The following SAMD3 variants were observed in gnomAD, a reference collection of about 807,000 sequenced individuals.
SAMD3 encodes sterile alpha motif domain containing 3, also known as sterile alpha motif domain-containing protein 3.
Under a neutral mutation model 58.5 loss-of-function variants are expected in SAMD3, and 63 were observed. The ratio of observed to expected loss-of-function variants is 1.08; its 90% CI spans 0.88 to 1.33. The LOEUF is 1.33. Among genes scored for constraint, SAMD3 ranks in the 40% most tolerant of loss-of-function variants. SAMD3 has a pLI of 0.00. For missense variants in SAMD3, 604 were observed against 608.4 expected (o/e 0.99, Z 0.08); for synonymous variants, 220 against 210.3 (o/e 1.05, Z -0.40).
intron 1 of SAMD3, among the ~76,000 whole-genome samples, chr6:130,347,933 A>C (rs1040796428): frequency 9.2e-5 from 14 of 152,220 alleles, no homozygotes; most frequent in Non-Finnish European, 1.3e-4. Context: ...CAACATTCTT[A>C]AAGAAAAGAA....
intron 1 of SAMD3, among the ~76,000 whole-genome samples, chr6:130,351,097 A>G (rs1777645680): frequency 1.3e-5 from 2 of 152,220 alleles, no homozygotes; most frequent in African/African-American, 4.8e-5. Flanking sequence ...AAAGACTTAC[A>G]GGTTAGACCT....
At chr6:130,192,200 T>C (rs1314704395) in intron 5 of SAMD3, among the ~76,000 whole-genome samples, 1 of 152,230 alleles carries the variant, frequency 6.6e-6, no homozygotes, top group Non-Finnish European at 1.5e-5. Context: ...TGTAGAAAGG[T>C]TTAGCAATGC....
At chr6:130,242,891 G>A (rs1424866734) in intron 2 of SAMD3, among the ~76,000 whole-genome samples, 8 of 152,200 alleles carry the variant, frequency 5.3e-5, no homozygotes, top group Non-Finnish European at 8.8e-5. Flanking sequence ...ACTGCCAGGT[G>A]AAGAGGGCAA....
At chr6:130,219,374 G>A (rs116294985) in intron 1 of SAMD3, among the ~76,000 whole-genome samples, 2,254 of 152,116 alleles carry the variant, frequency 0.015, 31 homozygotes, top group African/African-American at 0.028. Context: ...GGAACAAGTG[G>A]TGTTTGGTTA....
chr6:130,304,926 C>CTTT (rs777084920), intron 2 of SAMD3, among the ~76,000 whole-genome samples: 50 of 103,382 alleles, frequency 4.8e-4, no homozygotes, highest in Non-Finnish European at 7.4e-4. Context: ...CATTTTCTTC[C>CTTT]TTTTTTTTTT....
At chr6:130,207,298 A>G (rs1214622003) in intron 5 of SAMD3, among the ~76,000 whole-genome samples, 1 of 152,222 alleles carries the variant, frequency 6.6e-6, no homozygotes, top group African/African-American at 2.4e-5. Context: ...GCAGGGCTGG[A>G]GAAATGGCTG....
intron 8 of SAMD3, among the ~76,000 whole-genome samples, chr6:130,169,797 G>A (rs1296937725): frequency 8.5e-5 from 13 of 152,184 alleles, no homozygotes; most frequent in African/African-American, 2.2e-4. Context: ...ATTTAGACTC[G>A]TGTCCAGGGG....
intron 8 of SAMD3, chr6:130,160,707 T>C (rs1190829083): frequency 2.0e-5 from 3 of 152,094 alleles, no homozygotes; most frequent in Non-Finnish European, 4.4e-5. Context: ...GAGATAGAGA[T>C]TTGATATTTC....
intron 1 of SAMD3, among the ~76,000 whole-genome samples, chr6:130,344,825 CAAAA>C (rs56795907): frequency 4.6e-4 from 19 of 41,104 alleles, no homozygotes; most frequent in African/African-American, 1.6e-3. Context: ...ACAACAACAG[CAAAA>C]AAAAAAAAAA....
chr6:130,332,882 A>G (rs1368956381), intron 1 of SAMD3, among the ~76,000 whole-genome samples: 1 of 152,188 alleles, frequency 6.6e-6, no homozygotes, highest in African/African-American at 2.4e-5. Context: ...AGGAGATACG[A>G]TCCAGACCTG....
intron 1 of SAMD3, among the ~76,000 whole-genome samples, chr6:130,338,256 C>T (rs1777161959): frequency 6.6e-6 from 1 of 152,200 alleles, no homozygotes; most frequent in Non-Finnish European, 1.5e-5. Flanking sequence ...TTTGGATGCA[C>T]AGAAGTCAAG....
chr6:130,267,143 C>T (rs11154549), intron 2 of SAMD3, among the ~76,000 whole-genome samples: 47,293 of 151,958 alleles, frequency 0.31, 7,734 homozygotes, highest in East Asian at 0.47. Flanking sequence ...CATAGATGAT[C>T]GGGGCAAGTA....
intron 5 of SAMD3, among the ~76,000 whole-genome samples, chr6:130,205,647 G>A (rs1795022572): frequency 6.6e-6 from 1 of 152,086 alleles, no homozygotes; most frequent in African/African-American, 2.4e-5. Flanking sequence ...TATGTGTGAG[G>A]AGCCAAGCTA....
At chr6:130,281,862 G>A (rs530211947) in intron 2 of SAMD3, among the ~76,000 whole-genome samples, 136 of 150,778 alleles carry the variant, frequency 9.0e-4, no homozygotes, top group Non-Finnish European at 1.6e-3. Flanking sequence ...GCAGTGAGCC[G>A]AGATCGTGTC....
At chr6:130,175,339 C>T (rs962080710) in intron 8 of SAMD3, among the ~76,000 whole-genome samples, 16 of 152,274 alleles carry the variant, frequency 1.1e-4, no homozygotes, top group Middle Eastern at 3.4e-3. Flanking sequence ...CAGCCTGGAG[C>T]TCCCGACAGC....
At chr6:130,299,865 C>T (rs142291225) in intron 2 of SAMD3, among the ~76,000 whole-genome samples, 28 of 152,070 alleles carry the variant, frequency 1.8e-4, no homozygotes, top group South Asian at 2.1e-4. Context: ...CTATAGAAAA[C>T]GAATAATTTT....
intron 8 of SAMD3, among the ~76,000 whole-genome samples, chr6:130,158,494 A>AT (rs1789994367): frequency 6.6e-6 from 1 of 152,126 alleles, no homozygotes; most frequent in African/African-American, 2.4e-5. Flanking sequence ...GAAAAAAAAA[A>AT]TCCCATATGG....
intron 2 of SAMD3, among the ~76,000 whole-genome samples, chr6:130,307,073 C>G (rs1402311259): frequency 6.6e-6 from 1 of 152,170 alleles, no homozygotes; most frequent in South Asian, 2.1e-4. Flanking sequence ...TTTTGTGCTT[C>G]TGGACACACT....
At chr6:130,279,846 C>T (rs12199011) in intron 2 of SAMD3, among the ~76,000 whole-genome samples, 3,355 of 152,168 alleles carry the variant, frequency 0.022, 44 homozygotes, top group Non-Finnish European at 0.028. Context: ...TTGTGAGAAA[C>T]GGACTAATAC....
Sources: gnomAD v4.1 joint callset for allele counts (sites outside exome capture counted in the v4.1 genomes callset) on GRCh38, gnomAD v4.1.1 for gene constraint, MANE v1.5 for transcripts, NCBI Gene and HGNC (gene_info 2026-07-23, HGNC 2026-07-21) for gene names.